The following ABLIM1 variants were observed in gnomAD, a reference collection of about 807,000 sequenced individuals.
ABLIM1 encodes the protein actin binding LIM protein 1.
Under a neutral mutation model 107.0 loss-of-function variants are expected in ABLIM1, and 40 were observed. The ratio of observed to expected loss-of-function variants is 0.37; its 90% CI spans 0.29 to 0.49. ABLIM1 has a LOEUF of 0.49. ABLIM1 is among the 20% of genes least tolerant of loss of function. The probability of loss-of-function intolerance (pLI) is 0.97; values close to 1 mark genes in which losing one functional copy is unlikely to be tolerated. For missense variants in ABLIM1, 857 were observed against 1,008.5 expected, an observed-to-expected ratio of 0.85 and a Z score of 2.04; for synonymous variants, 357 against 357.3, an observed-to-expected ratio of 1.00 and a Z score of 0.01.
At chr10:114,618,086 A>G (rs550713349) in intron 1 of ABLIM1, among the ~76,000 whole-genome samples, 1 of 152,218 alleles carries the variant, frequency 6.6e-6, no homozygotes, top group African/African-American at 2.4e-5. Context: ...CACTATGCTT[A>G]TATCAACTCA....
At chr10:114,627,893 C>T (rs529879739) in intron 1 of ABLIM1, among the ~76,000 whole-genome samples, 5 of 152,214 alleles carry the variant, frequency 3.3e-5, no homozygotes, top group South Asian at 2.1e-4. Context: ...GAGGCCGAGG[C>T]GGGTGGATCA....
rs59709817 is a variant in ABLIM1 at position 114,601,049 on chromosome 10, T to TACAC, written c.379+774_379+777dup. 2.9e-3 allele frequency among the ~76,000 whole-genome samples: 367 copies of TACAC among 128,588 alleles called. 3 individuals carry two copies. Among genetic ancestry groups the TACAC allele is most frequent in the Middle Eastern group, 3.9e-3 (1 of 256 alleles). The allele number at this position is 128,588 out of a possible 152,430, so 84.4% of individuals were successfully genotyped here. On this transcript the variant is annotated intron_variant, in intron 2 of 22. Coordinates refer to ENST00000533213, the MANE Select transcript of ABLIM1 (RefSeq NM_002313.7). ...TTGTTGCTTAATTCTCACATCTCAA[T>TACAC]ACACACACACACACACACACACACA...
At chr10:114,727,145 T>C (rs913773065) in intron 1 of ABLIM1, among the ~76,000 whole-genome samples, 3 of 152,210 alleles carry the variant, frequency 2.0e-5, no homozygotes, top group African/African-American at 7.2e-5. Flanking sequence ...CCTGCCACCT[T>C]TTCTGAAGTG....
chr10:114,491,657 G>A, intron 7 of ABLIM1, 134 bp downstream of exon 7: 1 of 763,716 alleles, frequency 1.3e-6, no homozygotes. Flanking sequence ...GTAACTTTTG[G>A]CCATAATCTT....
At chr10:114,436,853 T>C (rs988870508) in intron 22 of ABLIM1, among the ~76,000 whole-genome samples, 6 of 152,052 alleles carry the variant, frequency 3.9e-5, no homozygotes, top group Admixed American at 2.6e-4. Flanking sequence ...CCTAGAAAAG[T>C]TCCCCCAAGA....
At chr10:114,508,208 G>A (rs1224045907) in intron 6 of ABLIM1, among the ~76,000 whole-genome samples, 1 of 152,106 alleles carries the variant, frequency 6.6e-6, no homozygotes, top group Non-Finnish European at 1.5e-5. Context: ...TTAGGAGATG[G>A]CCCCAGTGAT....
chr10:114,544,057 C>T (rs2067013514), intron 6 of ABLIM1, among the ~76,000 whole-genome samples: 1 of 152,212 alleles, frequency 6.6e-6, no homozygotes, highest in South Asian at 2.1e-4. Flanking sequence ...CCCAGAAACA[C>T]CATGGTGGCG....
In ABLIM1 at chr10:114,519,834, T is replaced by C. The variant is rs1003571010; in HGVS notation, c.894+25171A>G. ...GTTTTTGACATCCATAAATAACCTG[T>C]GGGTACTACCTCCCTGCTTAGCTCA... On this transcript the variant is annotated intron_variant, in intron 6 of 22. Transcript: ENST00000533213. Among the ~76,000 whole-genome samples, 11 of 152,198 alleles carry C rather than the reference T, an allele frequency of 7.2e-5. 1 individual carries two copies. Among genetic ancestry groups the C allele is most frequent in the Non-Finnish European group, 1.0e-4 (7 of 68,042 alleles).
intron 4 of ABLIM1, among the ~76,000 whole-genome samples, chr10:114,567,971 A>C (rs1006762306): frequency 9.2e-5 from 14 of 151,584 alleles, no homozygotes; most frequent in Non-Finnish European, 1.9e-4. Flanking sequence ...CGGGTGGATC[A>C]CGAGGTCAGG....
At chr10:114,556,450 G>C (rs747357906) in intron 4 of ABLIM1, among the ~76,000 whole-genome samples, 9 of 152,156 alleles carry the variant, frequency 5.9e-5, no homozygotes, top group Non-Finnish European at 1.3e-4. Context: ...CTCCATAAGT[G>C]TGTCAGTTGC....
chr10:114,444,836 C>G (rs2060777622), intron 16 of ABLIM1, among the ~76,000 whole-genome samples: 1 of 152,198 alleles, frequency 6.6e-6, no homozygotes, highest in Non-Finnish European at 1.5e-5. Flanking sequence ...AGGACCCCTT[C>G]ATGGTGGCCA....
intron 2 of ABLIM1, among the ~76,000 whole-genome samples, chr10:114,583,017 C>G (rs2073592027): frequency 6.6e-6 from 1 of 152,040 alleles, no homozygotes; most frequent in Non-Finnish European, 1.5e-5. Context: ...CAAGTGGGAT[C>G]TAATTAAACT....
At chr10:114,746,629 C>G (rs1205156296) in intron 1 of ABLIM1, among the ~76,000 whole-genome samples, 1 of 152,168 alleles carries the variant, frequency 6.6e-6, no homozygotes, top group Non-Finnish European at 1.5e-5. Flanking sequence ...TCTGGAGGAA[C>G]CTCCATACTG....
In ABLIM1 at chr10:114,463,223, T is replaced by G. The variant is rs563280917; in HGVS notation, c.1441+2475A>C. 1.5e-5 allele frequency: 18 copies of G among 1,202,910 alleles called. No individual in the cohort carries two copies. The South Asian group carries it at 2.8e-4, about 19-fold the overall frequency. 74.5% of individuals were successfully genotyped at this position (1,202,910 alleles called of 1,614,324 possible). ...GGAAACAGAAAAGAAGAACAGAAAT[T>G]AACACAGGAGCAGGGAAAGTGCCAT... is the stretch of plus-strand genomic sequence containing the variant. On this transcript the variant is annotated intron_variant, in intron 12 of 22. Transcript: ENST00000533213.
intron 1 of ABLIM1, among the ~76,000 whole-genome samples, chr10:114,716,288 T>C (rs2081658596): frequency 1.3e-5 from 2 of 152,160 alleles, no homozygotes; most frequent in African/African-American, 2.4e-5. Flanking sequence ...TTCTATCTTT[T>C]GCGGCCAGTG....
At chr10:114,538,673 C>T (rs1007334965) in intron 6 of ABLIM1, among the ~76,000 whole-genome samples, 8 of 152,226 alleles carry the variant, frequency 5.3e-5, no homozygotes, top group Non-Finnish European at 1.0e-4. Flanking sequence ...CCCGCCCTCT[C>T]CCTCTGTGGT....
chr10:114,774,033 C>G, the ABLIM1 span, among the ~76,000 whole-genome samples: 3 of 150,790 alleles, frequency 2.0e-5, no homozygotes, highest in African/African-American at 4.9e-5. Context: ...AAAGAATTAA[C>G]AAAATGAATG....
intron 4 of ABLIM1, among the ~76,000 whole-genome samples, chr10:114,551,087 C>T (rs1244072132): frequency 6.6e-6 from 1 of 152,136 alleles, no homozygotes; most frequent in Non-Finnish European, 1.5e-5. Context: ...AAGACTCGGG[C>T]AAGTTACTCT....
intron 1 of ABLIM1, among the ~76,000 whole-genome samples, chr10:114,754,291 C>CT (rs59442546): frequency 0.04 from 6,069 of 152,302 alleles, 416 homozygotes; most frequent in African/African-American, 0.14. Flanking sequence ...TTGCATAAAT[C>CT]TTTCTACTCC....
Sources: gnomAD v4.1 joint callset for allele counts (sites outside exome capture counted in the v4.1 genomes callset) on GRCh38, gnomAD v4.1.1 for gene constraint, MANE v1.5 for transcripts, NCBI Gene and HGNC (gene_info 2026-07-23, HGNC 2026-07-21) for gene names.